ZNF341: variants seen among roughly 807,000 people sequenced by gnomAD.
ZNF341 encodes zinc finger protein 341.
A neutral mutation model predicts 87.7 loss-of-function variants in ZNF341; 52 were observed. The observed-to-expected ratio is 0.59, with a 90% CI of 0.47 to 0.75. The LOEUF is 0.75. Among genes scored for constraint, ZNF341 ranks in the 30% least tolerant of loss-of-function variants. ZNF341 has a pLI of 0.00. For synonymous variants in ZNF341, 459 were observed against 472.7 expected (o/e 0.97, Z 0.38); for missense variants, 977 against 1,145.9 (o/e 0.85, Z 2.13).
At chr20:33,744,180 G>T (rs2018867821) in intron 2 of ZNF341, among the ~76,000 whole-genome samples, 1 of 152,128 alleles carries the variant, frequency 6.6e-6, no homozygotes, top group South Asian at 2.1e-4. Context: ...CTACTGGGGT[G>T]GCTGAGGCAG....
At chr20:33,753,079 C>T in intron 4 of ZNF341, 93 bp from the exon 5 acceptor site, 1 of 1,573,574 alleles carries the variant, frequency 6.4e-7, no homozygotes, top group South Asian at 1.2e-5. Context: ...AGCTGTTTTT[C>T]CACCTGGCTG....
At chr20:33,759,853 G>C (rs1182431141) in intron 7 of ZNF341, among the ~76,000 whole-genome samples, 1 of 152,106 alleles carries the variant, frequency 6.6e-6, no homozygotes, top group African/African-American at 2.4e-5. Context: ...ATCTAGACCA[G>C]GGTTTTTCAG....
chr20:33,778,351 C>G (rs1032494826), intron 10 of ZNF341, among the ~76,000 whole-genome samples: 10 of 151,938 alleles, frequency 6.6e-5, no homozygotes, highest in Admixed American at 5.9e-4. Flanking sequence ...TCTCCGTCAC[C>G]CAGGCTGAAG....
intron 8 of ZNF341, among the ~76,000 whole-genome samples, chr20:33,764,543 G>GTGTGTGTATATATATATATATA (rs1332743148): frequency 4.3e-5 from 3 of 69,336 alleles, no homozygotes; most frequent in African/African-American, 2.0e-4. Flanking sequence ...GTGTGTATGT[G>GTGTGTGTATATATATATATATA]TATATATATA....
intron 7 of ZNF341, 40 bp from the exon 8 acceptor site, chr20:33,761,822 C>T (rs201853122): frequency 6.4e-5 from 90 of 1,415,952 alleles, no homozygotes; most frequent in Non-Finnish European, 6.9e-5. Flanking sequence ...GCCTCGTCCC[C>T]GTTCCTGCAG....
chr20:33,791,597 C>T lies in ZNF341; in HGVS notation c.*80C>T. 3 of 1,400,046 alleles carry T rather than the reference C, an allele frequency of 2.1e-6. No homozygotes were observed. The highest frequency in any genetic ancestry group is 2.8e-6 in the Non-Finnish European group (3 of 1,065,104). The allele number at this position is 1,400,046 out of a possible 1,614,324, so 86.7% of individuals were successfully genotyped here. On this transcript the variant is annotated 3_prime_UTR_variant, in exon 15 of 15. Coordinates refer to ENST00000375200, the MANE Select transcript of ZNF341 (RefSeq NM_001282933.2). ...GGCCCCTGGGGGCAGACCGGTGATC[C>T]TTACCAGTGGAAGCGAGCCATCGAG...
intron 7 of ZNF341, among the ~76,000 whole-genome samples, chr20:33,760,154 G>A (rs2019262395): frequency 6.6e-6 from 1 of 152,226 alleles, no homozygotes; most frequent in Non-Finnish European, 1.5e-5. Context: ...TGTAATCCTA[G>A]CACTTTGGGA....
At chr20:33,742,966 A>G (rs769517793) in intron 2 of ZNF341, among the ~76,000 whole-genome samples, 1 of 151,928 alleles carries the variant, frequency 6.6e-6, no homozygotes, top group Non-Finnish European at 1.5e-5. Context: ...GGTGTGCACT[A>G]TGATCATGCC....
chr20:33,756,524 G>GT (rs2019182919), intron 5 of ZNF341, among the ~76,000 whole-genome samples: 2 of 151,918 alleles, frequency 1.3e-5, no homozygotes, highest in African/African-American at 4.8e-5. Flanking sequence ...ACACCACCAT[G>GT]CCTGACTTAA....
chr20:33,739,361 G>A (rs543514240), intron 1 of ZNF341, among the ~76,000 whole-genome samples: 8 of 152,322 alleles, frequency 5.3e-5, no homozygotes, highest in Admixed American at 3.3e-4. Context: ...GCAGAGCATC[G>A]GCTGTGGGGT....
Position 33,785,700 on chromosome 20 carries a change from C to T in ZNF341, c.1852+1836C>T, listed in dbSNP as rs189573696. Among the ~76,000 whole-genome samples the T allele has an allele frequency of 3.9e-5, 6 of 152,300 alleles. No individual in the cohort carries two copies. In the East Asian group the frequency reaches 1.2e-3, roughly 29 times the overall value. ...CTTGTGGTTTGCAGTTTGCAAAATA[C>T]TCCTAATTCTCTTCCCCAAAGGTAA... On this transcript the variant is annotated intron_variant, in intron 12 of 14. Coordinates refer to ENST00000375200, the MANE Select transcript of ZNF341 (RefSeq NM_001282933.2).
chr20:33,781,964 GC>G (rs921721114), intron 11 of ZNF341, among the ~76,000 whole-genome samples: 2 of 152,108 alleles, frequency 1.3e-5, no homozygotes, highest in African/African-American at 4.8e-5. Context: ...ACACGCATGA[GC>G]CACTGCACCC....
intron 3 of ZNF341, 82 bp from the exon 4 acceptor site, chr20:33,748,841 C>A: frequency 7.2e-7 from 1 of 1,385,948 alleles, no homozygotes; most frequent in Non-Finnish European, 9.9e-7. Context: ...CTGACATGTC[C>A]ACACATGCAC....
chr20:33,790,540 T>C (rs1221669633), intron 14 of ZNF341, among the ~76,000 whole-genome samples: 1 of 152,124 alleles, frequency 6.6e-6, no homozygotes, highest in Admixed American at 6.5e-5. Flanking sequence ...AAGTCTCCCT[T>C]GTTTGAGAAG....
chr20:33,790,323 T>C (rs1467508980), intron 14 of ZNF341, among the ~76,000 whole-genome samples: 6 of 152,170 alleles, frequency 3.9e-5, no homozygotes, highest in Non-Finnish European at 8.8e-5. Context: ...TCTGCCCGCC[T>C]TGGCCTCCCA....
intron 3 of ZNF341, 118 bp downstream of exon 3, chr20:33,745,417 G>A (rs970564637): frequency 4.0e-6 from 4 of 1,003,022 alleles, no homozygotes; most frequent in Non-Finnish European, 2.9e-6. Context: ...TGCCCTTGTG[G>A]AGTGGGGCGA....
intron 1 of ZNF341, among the ~76,000 whole-genome samples, chr20:33,735,854 CCTGGCA>C (rs1555870511): frequency 1.3e-5 from 2 of 152,016 alleles, no homozygotes; most frequent in Non-Finnish European, 2.9e-5. Flanking sequence ...ATCCTTGATG[CCTGGCA>C]ACCACTAATC....
At position 33,757,318 on chromosome 20, in the gene ZNF341, T is replaced by G; in HGVS notation, c.912T>G (p.Ala304=). 1.9e-6 allele frequency: 3 copies of G among 1,576,342 alleles called. No individual in the cohort carries two copies. Among genetic ancestry groups the G allele is most frequent in the Non-Finnish European group, 2.6e-6 (3 of 1,162,124 alleles). ...CAGCAACGCTGAAGACCCGACGAGC[T>G]AAAGGTGCCAGGGGACTCCCGGAAG... The part of the protein sequence containing the change: ...DSPATLKTRR[A]KGARGLPEAA... Residue 304 remains alanine (A), a synonymous_variant, in exon 6 of 15, where the codon GCT becomes GCG. Transcript: ENST00000375200.
rs371747028 is a variant in ZNF341 at position 33,749,050 on chromosome 20, C to A, written c.467C>A (p.Pro156His). Reference protein sequence around the residue: ...SAFTSLDQPMPQGPPPVQSSL... With the variant: ...SAFTSLDQPMHQGPPPVQSSL... ...TTCACATCCCTGGACCAGCCCATGC[C>A]CCAGGGCCCCCCACCTGTGCAGGTA... is the stretch of plus-strand genomic sequence containing the variant. The change falls in exon 4 of 15, where the codon CCC becomes CAC. Residue 156 changes from proline to histidine, a missense_variant. Physicochemically the swap from Pro to His is moderately conservative, Grantham distance 77 (BLOSUM62 -2). Around this residue, in one of 3 missense-constraint regions of ZNF341, gnomAD observed 515 missense variants for 598.2 expected, o/e 0.86. Transcript: ENST00000375200. 1.9e-5 allele frequency: 30 copies of A among 1,613,850 alleles called. No homozygotes were observed. The highest frequency in any genetic ancestry group is 2.4e-5 in the Non-Finnish European group (28 of 1,179,890).
Sources: gnomAD v4.1 joint callset for allele counts (sites outside exome capture counted in the v4.1 genomes callset) on GRCh38, gnomAD v4.1.1 for gene constraint, gnomAD v4.1.1 regional missense constraint, MANE v1.5 for transcripts, NCBI Gene and HGNC (gene_info 2026-07-23, HGNC 2026-07-21) for gene names.